The following CNTNAP4 variants were observed in gnomAD, a reference collection of about 807,000 sequenced individuals.
CNTNAP4 encodes contactin associated protein family member 4.
CNTNAP4 carries 98 observed loss-of-function variants against 148.4 expected under a neutral mutation model. The ratio of observed to expected loss-of-function variants is 0.66; its 90% CI spans 0.56 to 0.78. The LOEUF (loss-of-function observed/expected upper bound fraction) is 0.78. Ranked by LOEUF, CNTNAP4 falls within the 30% of genes least tolerant of loss-of-function variation. The pLI, the probability that CNTNAP4 is intolerant of heterozygous loss-of-function variation, is 0.00. For synonymous variants in CNTNAP4, 730 were observed against 565.1 expected, an observed-to-expected ratio of 1.29 and a Z score of -4.14; for missense variants, 1,935 against 1,565.6, an observed-to-expected ratio of 1.24 and a Z score of -3.98.
At chr16:76,540,903 C>T in intron 21 of CNTNAP4, 113 bp downstream of exon 21, 1 of 684,280 alleles carries the variant, frequency 1.5e-6, no homozygotes, top group South Asian at 1.7e-5. Flanking sequence ...AAATCCCTTG[C>T]CTATTTTGAT....
intron 11 of CNTNAP4, among the ~76,000 whole-genome samples, chr16:76,477,163 C>G (rs1316425184): frequency 1.3e-5 from 2 of 152,106 alleles, no homozygotes; most frequent in African/African-American, 2.4e-5. Flanking sequence ...ACAACATCTT[C>G]TAGAGCCTGG....
At chr16:76,362,374 G>A (rs1432763799) in intron 3 of CNTNAP4, among the ~76,000 whole-genome samples, 1 of 152,036 alleles carries the variant, frequency 6.6e-6, no homozygotes, top group African/African-American at 2.4e-5. Flanking sequence ...AATCCCAGTG[G>A]CATTTTGTTA....
intron 15 of CNTNAP4, among the ~76,000 whole-genome samples, chr16:76,502,743 G>C (rs188600805): frequency 4.7e-4 from 71 of 152,158 alleles, no homozygotes; most frequent in Admixed American, 4.2e-3. Context: ...ATGATCTCCA[G>C]CTTTCTGATT....
intron 15 of CNTNAP4, among the ~76,000 whole-genome samples, chr16:76,502,370 CT>C (rs199615956): frequency 0.074 from 9,673 of 130,792 alleles, 370 homozygotes; most frequent in East Asian, 0.18. Flanking sequence ...GCCATAGGTA[CT>C]TTTTTTTTTT....
At chr16:76,280,272 G>C (rs972620114) in intron 1 of CNTNAP4, among the ~76,000 whole-genome samples, 4 of 152,130 alleles carry the variant, frequency 2.6e-5, no homozygotes, top group Admixed American at 2.6e-4. Context: ...GTACAGCTCA[G>C]GGATTAGGTG....
intron 2 of CNTNAP4, among the ~76,000 whole-genome samples, chr16:76,321,868 T>C (rs193178755): frequency 1.1e-4 from 17 of 152,010 alleles, no homozygotes; most frequent in African/African-American, 3.6e-4. Context: ...CAATACTTTC[T>C]GTATGAAAAA....
chr16:76,377,887 A>G (rs560782604), intron 3 of CNTNAP4, among the ~76,000 whole-genome samples: 1 of 152,216 alleles, frequency 6.6e-6, no homozygotes, highest in Admixed American at 6.5e-5. Context: ...TTTGGATTTC[A>G]GGTGGGATGA....
intron 17 of CNTNAP4, among the ~76,000 whole-genome samples, chr16:76,528,618 C>T (rs915698814): frequency 7.9e-5 from 12 of 152,122 alleles, no homozygotes; most frequent in African/African-American, 2.4e-4. Flanking sequence ...AATGAGACCA[C>T]GTGAAAGAAT....
chr16:76,553,866 C>A lies in CNTNAP4; in HGVS notation c.3692C>A (p.Pro1231His). 6.2e-7 allele frequency: 1 copy of A among 1,612,272 alleles called. No homozygotes were observed. Among genetic ancestry groups the A allele is most frequent in the Non-Finnish European group, 8.5e-7 (1 of 1,178,650 alleles). ...TCTGGAACAATAGATGACAGAGAGC[C>A]CCTTGCTAATGCAATCAAAAGTGAC... ...DHSGTIDDRE[P>H]LANAIKSDSA... is the part of the protein sequence containing the mutation. Residue 1231 changes from proline to histidine, a missense_variant, in exon 23 of 24, where the codon CCC becomes CAC. Pro to His is a moderately conservative substitution (Grantham distance 77). Coordinates refer to ENST00000611870, the MANE Select transcript of CNTNAP4 (RefSeq NM_033401.5).
rs11302612 is a variant in CNTNAP4 at position 76,454,111 on chromosome 16, C to CTTT, written c.1333+1358_1333+1360dup. On this transcript the variant is annotated intron_variant, in intron 8 of 23. Coordinates refer to ENST00000611870, the MANE Select transcript of CNTNAP4 (RefSeq NM_033401.5). ...CTCCATGAAGTCAGCCTATTTCTTT[C>CTTT]TTTTTTTTTTTTTTTTTTCTGAGAT... Among the ~76,000 whole-genome samples, 95 of 130,070 alleles carry CTTT rather than the reference C, an allele frequency of 7.3e-4. 2 individuals are homozygous for CTTT. The highest frequency in any genetic ancestry group is 6.3e-3 in the Admixed American group (80 of 12,704). The allele number at this position is 130,070 out of a possible 152,430, so 85.3% of individuals were successfully genotyped here.
At chr16:76,551,725 A>C (rs966984783) in intron 21 of CNTNAP4, among the ~76,000 whole-genome samples, 20 of 152,150 alleles carry the variant, frequency 1.3e-4, no homozygotes, top group African/African-American at 4.3e-4. Flanking sequence ...GTAGCATGCA[A>C]ATCTTTTAGA....
intron 12 of CNTNAP4, among the ~76,000 whole-genome samples, chr16:76,481,421 T>G (rs2081822444): frequency 6.6e-6 from 1 of 152,226 alleles, no homozygotes; most frequent in South Asian, 2.1e-4. Context: ...GGCTCACACC[T>G]GTAATCCCAG....
intron 13 of CNTNAP4, among the ~76,000 whole-genome samples, chr16:76,493,426 C>A (rs2082294655): frequency 6.6e-6 from 1 of 151,772 alleles, no homozygotes; most frequent in Non-Finnish European, 1.5e-5. Flanking sequence ...TATTTTTTAC[C>A]TTTAATTTTT....
intron 21 of CNTNAP4, 82 bp downstream of exon 21, chr16:76,540,872 C>A (rs1249947172): frequency 4.5e-6 from 4 of 886,586 alleles, no homozygotes; most frequent in Admixed American, 4.5e-5. Flanking sequence ...ATTACACACA[C>A]CCACTTCGTC....
At chr16:76,385,844 C>T (rs1478315020) in intron 3 of CNTNAP4, among the ~76,000 whole-genome samples, 1 of 152,130 alleles carries the variant, frequency 6.6e-6, no homozygotes, top group Non-Finnish European at 1.5e-5. Flanking sequence ...GCTTCCCTAA[C>T]ACATATTTTC....
At position 76,547,642 on chromosome 16, in the gene CNTNAP4, T is replaced by C. The variant is rs368150842; in HGVS notation, c.3443-5641T>C. ...CAGTTCTGAGTTCTGTTCATTTTTA[T>C]GTTATAGGAGTTTTCTATAAGCCTG... On this transcript the variant is annotated intron_variant, in intron 21 of 23. Transcript: ENST00000611870. Among the ~76,000 whole-genome samples, 85 of 152,360 alleles carry C rather than the reference T, an allele frequency of 5.6e-4. No homozygotes were observed. The Middle Eastern group carries it at 0.01, about 18-fold the overall frequency.
chr16:76,324,945 G>C (rs184915045), intron 2 of CNTNAP4, among the ~76,000 whole-genome samples: 1 of 152,070 alleles, frequency 6.6e-6, no homozygotes, highest in African/African-American at 2.4e-5. Context: ...AATTTTGTTG[G>C]GACACAAACA....
chr16:76,474,812 A>G (rs775666512), intron 10 of CNTNAP4, among the ~76,000 whole-genome samples: 9 of 152,206 alleles, frequency 5.9e-5, no homozygotes, highest in East Asian at 1.9e-4. Flanking sequence ...TAACACTAGC[A>G]ATGTATCCCT....
intron 2 of CNTNAP4, among the ~76,000 whole-genome samples, chr16:76,352,025 C>G (rs1389775640): frequency 6.6e-6 from 1 of 152,170 alleles, no homozygotes; most frequent in East Asian, 1.9e-4. Context: ...GGAAACTAAT[C>G]AGTGTTTTCT....
Sources: allele counts gnomAD v4.1 joint callset (sites outside exome capture counted in the v4.1 genomes callset), GRCh38; gene constraint gnomAD v4.1.1; transcripts MANE v1.5; gene names NCBI Gene and HGNC (gene_info 2026-07-23, HGNC 2026-07-21).